COX8C: variants seen among roughly 807,000 people sequenced by gnomAD.
COX8C encodes the protein cytochrome c oxidase subunit 8C, also known as cytochrome c oxidase subunit 8C, mitochondrial.
In COX8C, 3 loss-of-function variants were observed where a neutral mutation model predicts 3.5. That is an observed-to-expected ratio of 0.86 (90% CI 0.39 to 2.24). The LOEUF is 2.24. COX8C is among the 30% of genes most tolerant of loss of function. COX8C has a pLI of 0.05. For missense variants in COX8C, 113 were observed against 102.5 expected, an observed-to-expected ratio of 1.10 and a Z score of -0.44; for synonymous variants, 46 against 44.1, an observed-to-expected ratio of 1.04 and a Z score of -0.17.
chr14:93,347,996 T>C (rs1298300414), intron 1 of COX8C, 32 bp from the exon 2 acceptor site: 3 of 1,361,234 alleles, frequency 2.2e-6, no homozygotes, highest in African/African-American at 2.9e-5. Flanking sequence ...TAGGAAGCCA[T>C]ACTCAGCAGC....
rs1204124595 is a variant in COX8C at position 93,348,296 on chromosome 14, T to G, written c.*176T>G. 3 of 503,118 alleles carry G rather than the reference T, an allele frequency of 6.0e-6. No homozygotes were observed. The highest frequency in any genetic ancestry group is 1.1e-5 in the Non-Finnish European group (3 of 283,112). The allele number at this position is 503,118 out of a possible 1,614,324, so 31.2% of individuals were successfully genotyped here. On this transcript the variant is annotated 3_prime_UTR_variant, in exon 2 of 2. Transcript: ENST00000342144. Reference sequence around the variant, plus strand: ...TAGTACTGTGCATTATATAGATGTATAGTCAAAAATGTTCTGCTTAAGTGT... The same window carrying G: ...TAGTACTGTGCATTATATAGATGTAGAGTCAAAAATGTTCTGCTTAAGTGT...
rs1182172873 is a variant in COX8C, at chr14:93,348,177, GT to G, written c.*62del. 6 of 1,121,506 alleles carry G rather than the reference GT, an allele frequency of 5.3e-6. No individual in the cohort carries two copies. In the African/African-American group the frequency reaches 9.2e-5, roughly 17 times the overall value. 69.5% of individuals were successfully genotyped at this position (1,121,506 alleles called of 1,614,324 possible). On this transcript the variant is annotated 3_prime_UTR_variant, in exon 2 of 2. Coordinates refer to ENST00000342144, the MANE Select transcript of COX8C (RefSeq NM_182971.3). The stretch of plus-strand genomic sequence containing the variant: ...CCAAAAAACTTTCAGAAAAAGCTGT[GT>G]TTTTGTTAACGAGCAAAATTGCCTA...
chr14:93,347,198 C>T lies in COX8C; in HGVS notation c.-71C>T. 2 of 1,502,898 alleles carry T rather than the reference C, an allele frequency of 1.3e-6. No homozygotes were observed. The highest frequency in any genetic ancestry group is 2.0e-5 in the Admixed American group (1 of 48,808). 93.1% of individuals were successfully genotyped at this position (1,502,898 alleles called of 1,614,324 possible). On this transcript the variant is annotated 5_prime_UTR_variant, in exon 1 of 2. Transcript: ENST00000342144. Reference sequence around the variant, plus strand: ...GCGCAAACCAGCTGCCTCACGAGCACTGGAGCTTGCGTTACTTGGCCTCAC... The same window carrying T: ...GCGCAAACCAGCTGCCTCACGAGCATTGGAGCTTGCGTTACTTGGCCTCAC...
intron 1 of COX8C, 24 bp from the exon 2 acceptor site, chr14:93,348,004 A>G: frequency 6.9e-7 from 1 of 1,440,632 alleles, no homozygotes; most frequent in Non-Finnish European, 9.8e-7. Context: ...CATACTCAGC[A>G]GCGCGTGTCA....
rs1247778150 is a variant in COX8C at position 93,347,567 on chromosome 14, C to T, written c.126+173C>T. Among the ~76,000 whole-genome samples the T allele has an allele frequency of 2.0e-5, 3 of 151,884 alleles. No individual in the cohort carries two copies. The East Asian group carries it at 5.8e-4, about 29-fold the overall frequency. The stretch of plus-strand genomic sequence containing the variant: ...GCTTGGTCGCCTTTGGGGGAGGTTC[C>T]TGGGAGAGGGTCGCGGTGAGGATGC... On this transcript the variant is annotated intron_variant, in intron 1 of 1. Transcript: ENST00000342144.
At position 93,348,305 on chromosome 14, in the gene COX8C, A is replaced by C; in HGVS notation, c.*185A>C. 4.0e-6 allele frequency: 2 copies of C among 495,244 alleles called. No individual in the cohort carries two copies. The highest frequency in any genetic ancestry group is 7.2e-6 in the Non-Finnish European group (2 of 279,262). 30.7% of individuals were successfully genotyped at this position (495,244 alleles called of 1,614,324 possible). A position where few individuals can be genotyped will look rare whatever the true frequency, so the allele number is the denominator to read the frequency against. Reference sequence around the variant, plus strand: ...GCATTATATAGATGTATAGTCAAAAATGTTCTGCTTAAGTGTTAAATAAAA... The same window carrying C: ...GCATTATATAGATGTATAGTCAAAACTGTTCTGCTTAAGTGTTAAATAAAA... On this transcript the variant is annotated 3_prime_UTR_variant, in exon 2 of 2. Transcript: ENST00000342144.
Sources: gnomAD v4.1 joint callset for allele counts (sites outside exome capture counted in the v4.1 genomes callset) on GRCh38, gnomAD v4.1.1 for gene constraint, MANE v1.5 for transcripts, NCBI Gene and HGNC (gene_info 2026-07-23, HGNC 2026-07-21) for gene names.